The following STXBP6 variants were observed in gnomAD, a reference collection of about 807,000 sequenced individuals.
STXBP6 encodes the protein syntaxin-binding protein 6.
Under a neutral mutation model 26.9 loss-of-function variants are expected in STXBP6, and 21 were observed. The observed-to-expected ratio is 0.78, with a 90% confidence interval of 0.55 to 1.12. The LOEUF (loss-of-function observed/expected upper bound fraction) is 1.12. Among genes scored for constraint, STXBP6 ranks in the 50% most tolerant of loss-of-function variants. The probability of loss-of-function intolerance (pLI) is 0.00; values close to 1 mark genes in which losing one functional copy is unlikely to be tolerated. For missense variants in STXBP6, 232 were observed against 257.9 expected (o/e 0.90, Z 0.69); for synonymous variants, 97 against 92.6 (o/e 1.05, Z -0.27).
At chr14:24,826,627 T>C (rs1410375025) in intron 4 of STXBP6, among the ~76,000 whole-genome samples, 1 of 152,200 alleles carries the variant, frequency 6.6e-6, no homozygotes, top group Non-Finnish European at 1.5e-5. Context: ...GTCCATTGCC[T>C]ATTTTATGTT....
At position 25,048,339 on chromosome 14, in the gene STXBP6, A is replaced by C. The variant is rs117066378; in HGVS notation, c.-33+1539T>G. On this transcript the variant is annotated intron_variant, in intron 1 of 5. Coordinates refer to ENST00000323944, the MANE Select transcript of STXBP6 (RefSeq NM_001394410.1). Reference sequence around the variant, plus strand: ...AAGGCCACGATTATCTCCGTTTGACAGAAGAGAAAACTTAAGTTCAGAGTG... The same window carrying C: ...AAGGCCACGATTATCTCCGTTTGACCGAAGAGAAAACTTAAGTTCAGAGTG... Among the ~76,000 whole-genome samples, 11 of 152,360 alleles carry C rather than the reference A, an allele frequency of 7.2e-5. No homozygotes were observed. The East Asian group carries it at 2.1e-3, about 29-fold the overall frequency.
At chr14:24,944,185 C>G (rs187765345) in intron 2 of STXBP6, among the ~76,000 whole-genome samples, 1 of 152,084 alleles carries the variant, frequency 6.6e-6, no homozygotes, top group Non-Finnish European at 1.5e-5. Flanking sequence ...CATTCAAAGA[C>G]GGAGAAACAG....
chr14:25,043,516 T>C (rs1428654892), intron 1 of STXBP6, among the ~76,000 whole-genome samples: 1 of 152,170 alleles, frequency 6.6e-6, no homozygotes, highest in Admixed American at 6.5e-5. Flanking sequence ...TTTCAGTGTA[T>C]TCAAAAAATT....
At chr14:24,953,082 T>G (rs2073225424) in intron 2 of STXBP6, among the ~76,000 whole-genome samples, 1 of 152,182 alleles carries the variant, frequency 6.6e-6, no homozygotes, top group African/African-American at 2.4e-5. Context: ...CTGGAGGCAC[T>G]AGGAGAGAAT....
chr14:25,041,121 G>C (rs1006099555), intron 1 of STXBP6, among the ~76,000 whole-genome samples: 1 of 152,120 alleles, frequency 6.6e-6, no homozygotes, highest in African/African-American at 2.4e-5. Flanking sequence ...AGGAGTTCGA[G>C]ACCAGCCTGG....
chr14:24,942,657 C>T (rs888413820), intron 2 of STXBP6, among the ~76,000 whole-genome samples: 35 of 152,236 alleles, frequency 2.3e-4, no homozygotes, highest in African/African-American at 8.4e-4. Context: ...TTGAACACAA[C>T]TGCCTTTGAT....
chr14:24,969,959 C>T (rs571552961), intron 2 of STXBP6, among the ~76,000 whole-genome samples: 19 of 152,162 alleles, frequency 1.2e-4, no homozygotes, highest in Middle Eastern at 3.4e-3. Context: ...TAATCAATTT[C>T]GGCCGGGTGT....
At chr14:24,930,175 C>T (rs1481096092) in intron 2 of STXBP6, among the ~76,000 whole-genome samples, 2 of 152,174 alleles carry the variant, frequency 1.3e-5, no homozygotes, top group Non-Finnish European at 2.9e-5. Context: ...TGGCTCATCC[C>T]ACCGTTCTGC....
intron 2 of STXBP6, among the ~76,000 whole-genome samples, chr14:24,898,652 G>A (rs923956133): frequency 1.3e-5 from 2 of 152,000 alleles, no homozygotes; most frequent in African/African-American, 4.8e-5. Flanking sequence ...ACTCCAGACT[G>A]GGCAATAGAG....
intron 1 of STXBP6, among the ~76,000 whole-genome samples, chr14:25,008,588 A>C (rs1172609755): frequency 3.9e-5 from 6 of 152,204 alleles, no homozygotes; most frequent in Non-Finnish European, 8.8e-5. Flanking sequence ...GCTTGATAGA[A>C]CTTTAAAATT....
chr14:24,821,434 G>A (rs1046234602), intron 4 of STXBP6, among the ~76,000 whole-genome samples: 49 of 152,310 alleles, frequency 3.2e-4, no homozygotes, highest in African/African-American at 1.2e-3. Context: ...ATCACACTCA[G>A]TTTTATATGA....
At chr14:24,965,511 T>C (rs61978830) in intron 2 of STXBP6, among the ~76,000 whole-genome samples, 17,987 of 151,390 alleles carry the variant, frequency 0.12, 1,177 homozygotes, top group African/African-American at 0.18. Flanking sequence ...ATTAGTGGGA[T>C]AGTGAGTATC....
chr14:24,934,367 A>C (rs2072523892), intron 2 of STXBP6, among the ~76,000 whole-genome samples: 1 of 152,208 alleles, frequency 6.6e-6, no homozygotes, highest in South Asian at 2.1e-4. Context: ...TCAGTGACAG[A>C]AGTCAGTAAA....
chr14:24,956,427 G>A (rs972908518), intron 2 of STXBP6, among the ~76,000 whole-genome samples: 8 of 152,296 alleles, frequency 5.3e-5, no homozygotes, highest in East Asian at 1.9e-4. Flanking sequence ...AATGTCATTC[G>A]TTTGCATAAA....
At chr14:25,002,359 C>CT (rs747010332) in intron 1 of STXBP6, among the ~76,000 whole-genome samples, 7,052 of 121,310 alleles carry the variant, frequency 0.058, 450 homozygotes, top group Non-Finnish European at 0.07. Context: ...ATTCTTATGA[C>CT]TTTTTTTTTT....
chr14:24,962,588 A>G (rs1333034989), intron 2 of STXBP6, among the ~76,000 whole-genome samples: 1 of 152,144 alleles, frequency 6.6e-6, no homozygotes, highest in Non-Finnish European at 1.5e-5. Flanking sequence ...TCAGCCTCCC[A>G]AAGTGCTGGG....
At chr14:25,021,432 T>C (rs576092320) in intron 1 of STXBP6, among the ~76,000 whole-genome samples, 1 of 152,352 alleles carries the variant, frequency 6.6e-6, no homozygotes, top group East Asian at 1.9e-4. Context: ...CTCTAGTTAC[T>C]GCCTTATTTA....
chr14:24,840,525 C>T (rs2068754188), intron 4 of STXBP6, among the ~76,000 whole-genome samples: 1 of 152,206 alleles, frequency 6.6e-6, no homozygotes, highest in Non-Finnish European at 1.5e-5. Context: ...CAGAGCTTTC[C>T]TGGCTTCTGC....
intron 1 of STXBP6, among the ~76,000 whole-genome samples, chr14:24,994,618 A>C (rs558425797): frequency 1.9e-4 from 29 of 152,310 alleles, no homozygotes; most frequent in South Asian, 1.0e-3. Flanking sequence ...AGCAGTAATA[A>C]TACTACCTGT....
Sources: gnomAD v4.1 joint callset for allele counts (sites outside exome capture counted in the v4.1 genomes callset) on GRCh38, gnomAD v4.1.1 for gene constraint, MANE v1.5 for transcripts, NCBI Gene and HGNC (gene_info 2026-07-23, HGNC 2026-07-21) for gene names.